The following PCDHGB5 variants were observed in gnomAD, a reference collection of about 807,000 sequenced individuals.
The protein encoded by PCDHGB5 is protocadherin gamma subfamily B, 5, also known as protocadherin gamma-B5.
PCDHGB5 carries 48 observed loss-of-function variants against 62.9 expected under a neutral mutation model. The ratio of observed to expected loss-of-function variants is 0.76; its 90% CI spans 0.61 to 0.97. PCDHGB5 has a LOEUF of 0.97. PCDHGB5 is among the 50% of genes least tolerant of loss of function. PCDHGB5 has a pLI of 0.00. For synonymous variants in PCDHGB5, 474 were observed against 511.2 expected (o/e 0.93, Z 0.98); for missense variants, 1,118 against 1,198.6 (o/e 0.93, Z 0.99).
chr5:141,486,083 C>T lies in PCDHGB5; in HGVS notation c.2398-8724C>T, dbSNP rs367657659. On this transcript the variant is annotated intron_variant, in intron 1 of 3. Coordinates refer to ENST00000617380, the MANE Select transcript of PCDHGB5 (RefSeq NM_018925.3). This position sits in a 1 kb window ranked among gnomAD's most constrained non-coding sequence, Gnocchi z 5.0. ...GCACCCCACTACTGGAAAGCTTACTCTTTTGGGGCCCCTAGACTTTGAGAG... is the reference window on the plus strand; with the variant it reads ...GCACCCCACTACTGGAAAGCTTACTTTTTTGGGGCCCCTAGACTTTGAGAG... The T allele has an allele frequency of 1.2e-6, 2 of 1,614,062 alleles. No individual in the cohort carries two copies. Among genetic ancestry groups the T allele is most frequent in the Non-Finnish European group, 1.7e-6 (2 of 1,180,040 alleles).
At chr5:141,420,551 ATTTTTACGGCATGGT>A (rs2096505176) in intron 1 of PCDHGB5, 3 of 266,550 alleles carry the variant, frequency 1.1e-5, no homozygotes, top group Admixed American at 5.1e-5. Context: ...ATACAGGTAT[ATTTTTACGGCATGGT>A]ATTTTAATTG....
Position 141,431,154 on chromosome 5 carries a change from A to G in PCDHGB5, c.2397+30630A>G, listed in dbSNP as rs754200786. ...AGGGACATTAACGACAATGCGCCTT[A>G]CTTTCGTGAAAGTGAATTAGAAATA... On this transcript the variant is annotated intron_variant, in intron 1 of 3. Coordinates refer to ENST00000617380, the MANE Select transcript of PCDHGB5 (RefSeq NM_018925.3). The surrounding 1 kb of genome is among the most constrained non-coding windows in gnomAD (Gnocchi z 4.8). 1.1e-5 allele frequency: 18 copies of G among 1,614,136 alleles called. No homozygotes were observed. In the East Asian group the frequency reaches 4.0e-4, roughly 36 times the overall value.
chr5:141,405,016 C>G (rs538744733), intron 1 of PCDHGB5: 1 of 1,613,888 alleles, frequency 6.2e-7, no homozygotes. Flanking sequence ...AGGCCTCAGA[C>G]CTTACCCTCT....
intron 3 of PCDHGB5, among the ~76,000 whole-genome samples, chr5:141,508,439 T>C (rs1037512760): frequency 1.3e-5 from 2 of 152,188 alleles, no homozygotes; most frequent in African/African-American, 4.8e-5. Flanking sequence ...ACACAGTTCC[T>C]TAGTGGCAGA....
At chr5:141,461,799 G>T (rs1025237561) in intron 1 of PCDHGB5, among the ~76,000 whole-genome samples, 5 of 151,188 alleles carry the variant, frequency 3.3e-5, no homozygotes, top group Admixed American at 1.3e-4. Context: ...GATTACAGGT[G>T]CCCACCACCA....
At chr5:141,441,790 A>G in intron 1 of PCDHGB5, 1 of 391,228 alleles carries the variant, frequency 2.6e-6, no homozygotes, top group South Asian at 2.0e-5. Context: ...CTGAATGACA[A>G]CGCACCGCGG....
intron 1 of PCDHGB5, among the ~76,000 whole-genome samples, chr5:141,456,877 C>T (rs910777736): frequency 2.0e-5 from 3 of 152,202 alleles, no homozygotes; most frequent in South Asian, 2.1e-4. Context: ...GCAGGAGAAT[C>T]GCTTGAACCC....
At chr5:141,497,745 G>C (rs1475395529) in intron 2 of PCDHGB5, among the ~76,000 whole-genome samples, 1 of 152,070 alleles carries the variant, frequency 6.6e-6, no homozygotes, top group Non-Finnish European at 1.5e-5. Flanking sequence ...CGCCACGTTG[G>C]CCAGGCTGGT....
intron 1 of PCDHGB5, chr5:141,404,371 C>G (rs374054833): frequency 1.5e-5 from 25 of 1,613,774 alleles, no homozygotes; most frequent in Non-Finnish European, 2.0e-5. Context: ...CCATCTTCTC[C>G]GTGATTGCCT....
At chr5:141,423,800 T>A in intron 1 of PCDHGB5, 2 of 895,132 alleles carry the variant, frequency 2.2e-6, no homozygotes, top group Non-Finnish European at 2.9e-6. Flanking sequence ...TTTAGAGCAA[T>A]ACATGTGAGT....
chr5:141,406,976 A>G (rs773444464), intron 1 of PCDHGB5, among the ~76,000 whole-genome samples: 12 of 152,244 alleles, frequency 7.9e-5, no homozygotes, highest in Non-Finnish European at 1.8e-4. Flanking sequence ...AGTAAATAAC[A>G]TTTCACAAGA....
At position 141,487,611 on chromosome 5, in the gene PCDHGB5, T is replaced by C. The variant is rs1215704705; in HGVS notation, c.2398-7196T>C. ...CCACCCTCTGATCTTCTCTATGGGCTAGAGGTGAGACCTTTGCAGGCTCAA... is the reference window on the plus strand; with the variant it reads ...CCACCCTCTGATCTTCTCTATGGGCCAGAGGTGAGACCTTTGCAGGCTCAA... On this transcript the variant is annotated intron_variant, in intron 1 of 3. Transcript: ENST00000617380. This position sits in a 1 kb window ranked among gnomAD's most constrained non-coding sequence, Gnocchi z 5.0. The C allele has an allele frequency of 1.2e-6, 2 of 1,614,206 alleles. No homozygotes were observed. The highest frequency in any genetic ancestry group is 1.7e-6 in the Non-Finnish European group (2 of 1,180,036).
intron 1 of PCDHGB5, among the ~76,000 whole-genome samples, chr5:141,437,926 T>C (rs1374182368): frequency 2.6e-5 from 4 of 152,058 alleles, no homozygotes; most frequent in Admixed American, 1.3e-4. Context: ...TTAGTAGAGA[T>C]GGGGTTTCAC....
At chr5:141,462,043 G>C (rs1310987622) in intron 1 of PCDHGB5, among the ~76,000 whole-genome samples, 1 of 152,100 alleles carries the variant, frequency 6.6e-6, no homozygotes, top group Non-Finnish European at 1.5e-5. Flanking sequence ...GGCGGGTCTT[G>C]AACTCCCGAC....
At position 141,398,689 on chromosome 5, in the gene PCDHGB5, G is replaced by T; in HGVS notation, c.562G>T (p.Gly188Cys). The change falls in exon 1 of 4, where the codon GGT becomes TGT. Residue 188 changes from glycine to cysteine, a missense_variant. Gly to Cys is a radical substitution (Grantham distance 159). Transcript: ENST00000617380. ...ATTAATAATTAAGGAGAAACAGGAT[G>T]GTAGTAAATACCCGGAACTGGCACT... ...FSLIIKEKQD[G>C]SKYPELALEK... The T allele has an allele frequency of 6.2e-7, 1 of 1,613,766 alleles. No individual in the cohort carries two copies. Among genetic ancestry groups the T allele is most frequent in the Non-Finnish European group, 8.5e-7 (1 of 1,179,850 alleles).
intron 1 of PCDHGB5, among the ~76,000 whole-genome samples, chr5:141,464,151 G>A (rs2099076865): frequency 6.6e-6 from 1 of 151,818 alleles, no homozygotes; most frequent in Non-Finnish European, 1.5e-5. Flanking sequence ...TGTAGTCCCA[G>A]CTACTTGGAA....
intron 1 of PCDHGB5, chr5:141,402,906 C>T: frequency 1.3e-6 from 2 of 1,529,180 alleles, no homozygotes; most frequent in Non-Finnish European, 1.8e-6. Context: ...CCTGATGAAG[C>T]AGCGCGCACA....
chr5:141,413,832 C>T, intron 1 of PCDHGB5: 1 of 1,613,228 alleles, frequency 6.2e-7, no homozygotes. Context: ...TCACCGCCTC[C>T]GACGGGGGTG....
intron 1 of PCDHGB5, chr5:141,430,741 A>T (rs370226249): frequency 6.7e-6 from 10 of 1,498,900 alleles, no homozygotes; most frequent in Non-Finnish European, 8.9e-6. Flanking sequence ...ATTGAAAATA[A>T]TTCTGGAGGA....
Sources: allele counts gnomAD v4.1 joint callset (sites outside exome capture counted in the v4.1 genomes callset), GRCh38; gene constraint gnomAD v4.1.1; non-coding constraint Gnocchi (gnomAD v3.1); transcripts MANE v1.5; gene names NCBI Gene and HGNC (gene_info 2026-07-23, HGNC 2026-07-21).